Variants in PICALM observed in about 807,000 individuals in gnomAD.
PICALM encodes the protein phosphatidylinositol-binding clathrin assembly protein.
In PICALM, 40 loss-of-function variants were observed where a neutral mutation model predicts 80.5. The ratio of observed to expected loss-of-function variants is 0.50; its 90% CI spans 0.39 to 0.65. PICALM has a LOEUF of 0.65. Among genes scored for constraint, PICALM ranks in the 30% least tolerant of loss-of-function variants. The pLI is 0.00. For synonymous variants in PICALM, 288 were observed against 260.3 expected, an observed-to-expected ratio of 1.11 and a Z score of -1.02; for missense variants, 676 against 778.9, an observed-to-expected ratio of 0.87 and a Z score of 1.57.
Position 85,990,384 on chromosome 11 carries a change from G to A in PICALM, c.1274C>T (p.Thr425Ile). 1.2e-6 allele frequency: 2 copies of A among 1,604,986 alleles called. No individual in the cohort carries two copies. Among genetic ancestry groups the A allele is most frequent in the African/African-American group, 1.3e-5 (1 of 74,890 alleles). The change falls in exon 13 of 20, where the codon ACT (threonine) becomes ATT (isoleucine). Residue 425 changes from threonine (T) to isoleucine (I), a missense_variant. By Grantham distance (89) the Thr-to-Ile change is moderately conservative. Around this residue, in one of 2 missense-constraint regions of PICALM, gnomAD observed 391 missense variants for 383.6 expected, o/e 1.02. Coordinates refer to ENST00000393346, the MANE Select transcript of PICALM (RefSeq NM_007166.4). Reference protein sequence around the residue: ...ASTWGDPFSATVDAVDDAIPS... With the variant: ...ASTWGDPFSAIVDAVDDAIPS... ...AATGGCATCATCAACAGCATCTACA[G>A]TAGCAGAGAAAGGATCTGTGCAGTC... is the stretch of plus-strand genomic sequence containing the variant.
intron 1 of PICALM, among the ~76,000 whole-genome samples, chr11:86,042,356 C>G (rs2095987640): frequency 6.6e-6 from 1 of 151,924 alleles, no homozygotes; most frequent in Non-Finnish European, 1.5e-5. Context: ...CAATAAAAAG[C>G]TACTTAATGG....
At chr11:85,991,735 C>T (rs918219281) in intron 12 of PICALM, among the ~76,000 whole-genome samples, 1 of 151,486 alleles carries the variant, frequency 6.6e-6, no homozygotes, top group Non-Finnish European at 1.5e-5. Context: ...AAATCTTTCC[C>T]ATCATTCCAC....
At chr11:86,054,607 CCT>C (rs66721966) in intron 1 of PICALM, among the ~76,000 whole-genome samples, 2,367 of 152,272 alleles carry the variant, frequency 0.016, 31 homozygotes, top group South Asian at 0.036. Flanking sequence ...TGTTACCTCC[CCT>C]CTGTGAGGTC....
At chr11:86,045,461 C>G (rs2137160426) in intron 1 of PICALM, among the ~76,000 whole-genome samples, 1 of 131,522 alleles carries the variant, frequency 7.6e-6, no homozygotes, top group East Asian at 2.4e-4. Context: ...ATGATGACAA[C>G]TGTGAATAGC....
intron 8 of PICALM, among the ~76,000 whole-genome samples, chr11:86,006,090 G>T (rs1354075223): frequency 6.6e-6 from 1 of 152,152 alleles, no homozygotes; most frequent in African/African-American, 2.4e-5. Context: ...TAACAAATGG[G>T]GTGGGTAACA....
At chr11:86,006,976 G>C (rs1452199531) in intron 8 of PICALM, among the ~76,000 whole-genome samples, 2 of 151,910 alleles carry the variant, frequency 1.3e-5, no homozygotes, top group Non-Finnish European at 2.9e-5. Flanking sequence ...AGGTACTGTT[G>C]TATCTTCATT....
intron 12 of PICALM, among the ~76,000 whole-genome samples, chr11:85,991,934 T>C (rs564658): frequency 0.61 from 93,413 of 151,896 alleles, 29,069 homozygotes; most frequent in African/African-American, 0.7. Context: ...GAGCTCACTG[T>C]AGCCTCAAAC....
At chr11:85,962,936 C>A (rs928871106) in intron 19 of PICALM, among the ~76,000 whole-genome samples, 10 of 152,042 alleles carry the variant, frequency 6.6e-5, no homozygotes, top group Non-Finnish European at 1.5e-4. Context: ...AAGTAGTCAC[C>A]CCAGAGAGTA....
At chr11:86,027,771 T>G (rs1226643357) in intron 2 of PICALM, among the ~76,000 whole-genome samples, 4 of 152,150 alleles carry the variant, frequency 2.6e-5, no homozygotes, top group Non-Finnish European at 5.9e-5. Context: ...TCCTCCCGCC[T>G]TGGCCCCCCA....
chr11:86,031,652 TTTTAA>T (rs779769401), intron 1 of PICALM, 41 bp from the exon 2 acceptor site: 1 of 1,461,726 alleles, frequency 6.8e-7, no homozygotes, highest in Middle Eastern at 2.0e-4. Context: ...TCCTCTGTGG[TTTTAA>T]TTTATTGTTA....
intron 1 of PICALM, among the ~76,000 whole-genome samples, chr11:86,051,256 A>C (rs1296537910): frequency 1.3e-5 from 2 of 152,230 alleles, no homozygotes; most frequent in East Asian, 3.8e-4. Flanking sequence ...ACAGAGTAAG[A>C]AGGTAATTTA....
chr11:85,992,681 C>T (rs571278584), intron 12 of PICALM, among the ~76,000 whole-genome samples: 13 of 151,874 alleles, frequency 8.6e-5, no homozygotes, highest in East Asian at 1.9e-4. Flanking sequence ...CTGTTTTTCA[C>T]GCAAAAAAAG....
intron 1 of PICALM, among the ~76,000 whole-genome samples, chr11:86,045,773 G>A (rs1257777506): frequency 1.3e-5 from 2 of 152,094 alleles, no homozygotes; most frequent in African/African-American, 4.8e-5. Context: ...GCTTGTGTGA[G>A]AAAGTAATAT....
rs760028064 is a variant in PICALM, at chr11:85,981,797, A to G, written c.1649-22T>C. ...AGATCTAGGAAAGGAGAAAAACAAA[A>G]AAGCATTTTATAACACGAGACGCAG... On this transcript the variant is annotated intron_variant, in intron 15 of 19. Transcript: ENST00000393346. 18 of 1,612,986 alleles carry G rather than the reference A, an allele frequency of 1.1e-5. No homozygotes were observed. In the South Asian group the frequency reaches 1.4e-4, roughly 13 times the overall value.
At chr11:85,997,302 T>G (rs2094999057) in intron 11 of PICALM, among the ~76,000 whole-genome samples, 1 of 152,196 alleles carries the variant, frequency 6.6e-6, no homozygotes, top group African/African-American at 2.4e-5. Flanking sequence ...CTTTTAATAT[T>G]CACAGAACTT....
intron 13 of PICALM, among the ~76,000 whole-genome samples, chr11:85,985,930 C>G (rs1452922727): frequency 4.6e-5 from 7 of 152,114 alleles, no homozygotes; most frequent in South Asian, 2.1e-4. Context: ...AGAGATAAGC[C>G]TATCCTTTAT....
chr11:85,963,393 T>C (rs930136407), intron 19 of PICALM, among the ~76,000 whole-genome samples: 1 of 152,166 alleles, frequency 6.6e-6, no homozygotes, highest in African/African-American at 2.4e-5. Context: ...AAAGAGCCTT[T>C]ACCTATTTAC....
At chr11:86,017,635 C>T (rs1164293492) in intron 4 of PICALM, among the ~76,000 whole-genome samples, 1 of 152,130 alleles carries the variant, frequency 6.6e-6, no homozygotes, top group Non-Finnish European at 1.5e-5. Flanking sequence ...GTAAGGCCTT[C>T]CCAGTTTTGC....
intron 1 of PICALM, among the ~76,000 whole-genome samples, chr11:86,053,568 A>G (rs970169384): frequency 1.3e-5 from 2 of 152,162 alleles, no homozygotes; most frequent in Non-Finnish European, 2.9e-5. Context: ...TTTCCTTAAG[A>G]CGAATAAAGT....
Sources: allele counts gnomAD v4.1 joint callset (sites outside exome capture counted in the v4.1 genomes callset), GRCh38; gene constraint gnomAD v4.1.1; regional missense constraint gnomAD v4.1.1; transcripts MANE v1.5; gene names NCBI Gene and HGNC (gene_info 2026-07-23, HGNC 2026-07-21).